Variants in UNC45B observed in about 807,000 individuals in gnomAD.
UNC45B encodes the protein protein unc-45 homolog B.
UNC45B carries 78 observed loss-of-function variants against 98.7 expected under a neutral mutation model. That is an observed-to-expected ratio of 0.79 (90% CI 0.66 to 0.95). UNC45B has a LOEUF of 0.95. Among genes scored for constraint, UNC45B ranks in the 40% least tolerant of loss-of-function variants. UNC45B has a pLI of 0.00. For missense variants in UNC45B, 1,225 were observed against 1,184.9 expected, an observed-to-expected ratio of 1.03 and a Z score of -0.50; for synonymous variants, 462 against 480.4, an observed-to-expected ratio of 0.96 and a Z score of 0.50.
At chr17:35,160,905 A>C (rs1412618056) in intron 8 of UNC45B, among the ~76,000 whole-genome samples, 1 of 152,234 alleles carries the variant, frequency 6.6e-6, no homozygotes, top group African/African-American at 2.4e-5. Context: ...CACACAGACT[A>C]TACCTTGTTC....
Position 35,164,140 on chromosome 17 carries a change from C to A in UNC45B, c.1125C>A (p.Phe375Leu), listed in dbSNP as rs761898642. 6.2e-7 allele frequency: 1 copy of A among 1,613,034 alleles called. No individual in the cohort carries two copies. Among genetic ancestry groups the A allele is most frequent in the South Asian group, 1.1e-5 (1 of 90,914 alleles). The part of the protein sequence containing the change: ...DLRCDPERDH[F>L]RKICEEYITG... The stretch of plus-strand genomic sequence containing the variant: ...GCTGTGACCCGGAGCGCGATCACTT[C>A]CGCAAGATCTGTGAGGAATATATCA... Residue 375 changes from phenylalanine to leucine, a missense_variant, in exon 9 of 20, where the codon TTC becomes TTA. Coordinates refer to ENST00000394570, the MANE Select transcript of UNC45B (RefSeq NM_001267052.2).
At chr17:35,174,512 G>A in intron 14 of UNC45B, 143 bp downstream of exon 14, 1 of 1,262,154 alleles carries the variant, frequency 7.9e-7, no homozygotes, top group Non-Finnish European at 1.1e-6. Context: ...AAGGTCTGAG[G>A]GGATCAGCTT....
intron 9 of UNC45B, among the ~76,000 whole-genome samples, chr17:35,166,086 T>TAAAAAAAAAAAA (rs55844448): frequency 1.0e-4 from 6 of 58,108 alleles, no homozygotes; most frequent in Non-Finnish European, 9.1e-5. Context: ...CCCTCATCTC[T>TAAAAAAAAAAAA]AAAAAAAAAA....
intron 14 of UNC45B, among the ~76,000 whole-genome samples, chr17:35,174,951 GAAAAAGAAAGAGAA>G (rs2092217586): frequency 2.7e-5 from 1 of 36,916 alleles, no homozygotes; most frequent in African/African-American, 1.4e-4. Context: ...AAGAAAGAAA[GAAAAAGAAAGAGAA>G]AGAAAGAGGA....
intron 8 of UNC45B, among the ~76,000 whole-genome samples, chr17:35,161,279 C>T (rs575419941): frequency 3.3e-5 from 5 of 152,238 alleles, no homozygotes; most frequent in Admixed American, 6.5e-5. Flanking sequence ...TTCAGATATT[C>T]GAATACAAAG....
At chr17:35,173,904 C>T (rs1006958668) in intron 13 of UNC45B, among the ~76,000 whole-genome samples, 12 of 151,504 alleles carry the variant, frequency 7.9e-5, no homozygotes, top group South Asian at 4.2e-4. Flanking sequence ...GCTCTGCCCC[C>T]GGGTTCATGC....
chr17:35,149,875 T>G (rs1273619048), intron 3 of UNC45B, among the ~76,000 whole-genome samples, 173 bp from the exon 4 acceptor site: 1 of 152,174 alleles, frequency 6.6e-6, no homozygotes, highest in Admixed American at 6.5e-5. Context: ...TCTGTGGATC[T>G]TACTGTCTCC....
chr17:35,168,074 C>T lies in UNC45B; in HGVS notation c.1165C>T (p.Pro389Ser). ...CEEYITGKFD[P>S]QDMDKNLNAI... Reference sequence around the variant, plus strand: ...CCTTTGTTTTAGGGGCAAGTTTGACCCCCAGGACATGGACAAGAACTTGAA... The same window carrying T: ...CCTTTGTTTTAGGGGCAAGTTTGACTCCCAGGACATGGACAAGAACTTGAA... Residue 389 changes from proline (P) to serine (S), a missense_variant, in exon 10 of 20, where the codon CCC (proline) becomes TCC (serine). Physicochemically the swap from Pro to Ser is moderately conservative, Grantham distance 74. Coordinates refer to ENST00000394570, the MANE Select transcript of UNC45B (RefSeq NM_001267052.2). 6.5e-7 allele frequency: 1 copy of T among 1,538,772 alleles called. No homozygotes were observed. The highest frequency in any genetic ancestry group is 8.8e-7 in the Non-Finnish European group (1 of 1,140,368).
chr17:35,174,567 C>T (rs2092213656), intron 14 of UNC45B, among the ~76,000 whole-genome samples, 198 bp downstream of exon 14: 1 of 152,148 alleles, frequency 6.6e-6, no homozygotes, highest in African/African-American at 2.4e-5. Flanking sequence ...TGCCTGTAAT[C>T]CCAGGGCTTT....
chr17:35,182,392 T>G (rs1423279102), intron 18 of UNC45B, among the ~76,000 whole-genome samples: 4 of 145,780 alleles, frequency 2.7e-5, no homozygotes, highest in East Asian at 2.3e-4. Context: ...CCCGGCCGGG[T>G]GGCTCACTTT....
intron 15 of UNC45B, 24 bp downstream of exon 15, chr17:35,176,058 G>C: frequency 6.2e-7 from 1 of 1,612,850 alleles, no homozygotes; most frequent in Non-Finnish European, 8.5e-7. Context: ...TGCCTTCCTA[G>C]AAGGTGCCTT....
At chr17:35,148,202 G>A (rs1023732540) in intron 1 of UNC45B, 62 bp from the exon 2 acceptor site, 14 of 1,590,588 alleles carry the variant, frequency 8.8e-6, no homozygotes, top group Admixed American at 1.7e-5. Context: ...CCTCAGGCCA[G>A]GAGCCCAGCC....
At chr17:35,176,640 A>G (rs1348420496) in intron 15 of UNC45B, among the ~76,000 whole-genome samples, 1 of 152,208 alleles carries the variant, frequency 6.6e-6, no homozygotes, top group Non-Finnish European at 1.5e-5. Flanking sequence ...AGATCATGCC[A>G]TTGCAGTCCA....
At chr17:35,164,249 G>A in intron 9 of UNC45B, 83 bp downstream of exon 9, 1 of 1,458,506 alleles carries the variant, frequency 6.9e-7, no homozygotes, top group South Asian at 1.4e-5. Flanking sequence ...AAATTTAGCA[G>A]CTCAAACAAT....
Position 35,180,605 on chromosome 17 carries a change from A to T in UNC45B, c.2302A>T (p.Met768Leu). The stretch of plus-strand genomic sequence containing the variant: ...GGCCTTGCCAGACATCGAGAACTAC[A>T]TGTTTGAGAATCATGATCAGCTGCG... The part of the protein sequence containing the change: ...ERALPDIENY[M>L]FENHDQLRQA... Residue 768 changes from methionine to leucine, a missense_variant, in exon 18 of 20, where the codon ATG (methionine) becomes TTG (leucine). By Grantham distance (15) the Met-to-Leu change is conservative. Coordinates refer to ENST00000394570, the MANE Select transcript of UNC45B (RefSeq NM_001267052.2). 1 of 1,613,988 alleles carries T rather than the reference A, an allele frequency of 6.2e-7. No homozygotes were observed. Among genetic ancestry groups the T allele is most frequent in the Non-Finnish European group, 8.5e-7 (1 of 1,179,950 alleles).
intron 6 of UNC45B, 141 bp from the exon 7 acceptor site, chr17:35,155,155 G>T: frequency 1.0e-6 from 1 of 989,744 alleles, no homozygotes; most frequent in Non-Finnish European, 1.5e-6. Flanking sequence ...GGACAGAGGG[G>T]CCCATGAGGC....
At chr17:35,180,476 G>A in intron 17 of UNC45B, 83 bp from the exon 18 acceptor site, 1 of 1,057,230 alleles carries the variant, frequency 9.5e-7, no homozygotes. Context: ...CAGAATGGAA[G>A]AATGGTCCCT....
intron 15 of UNC45B, 56 bp downstream of exon 15, chr17:35,176,090 G>A (rs375225884): frequency 1.3e-4 from 202 of 1,561,994 alleles, no homozygotes; most frequent in Non-Finnish European, 1.6e-4. Flanking sequence ...TTTGCCTAGC[G>A]CAAGAATTAT....
intron 9 of UNC45B, among the ~76,000 whole-genome samples, chr17:35,167,647 T>C (rs2092150520): frequency 6.6e-6 from 1 of 151,334 alleles, no homozygotes; most frequent in Non-Finnish European, 1.5e-5. Flanking sequence ...AAAGACTCAC[T>C]CTAACTTGGA....
Sources: gnomAD v4.1 joint callset for allele counts (sites outside exome capture counted in the v4.1 genomes callset) on GRCh38, gnomAD v4.1.1 for gene constraint, MANE v1.5 for transcripts, NCBI Gene and HGNC (gene_info 2026-07-23, HGNC 2026-07-21) for gene names.